The following CLIP1 variants were observed in gnomAD, a reference collection of about 807,000 sequenced individuals.
CLIP1 encodes CAP-Gly domain containing linker protein 1.
Under a neutral mutation model 161.6 loss-of-function variants are expected in CLIP1, and 66 were observed. The observed-to-expected ratio is 0.41, with a 90% CI of 0.33 to 0.50. The LOEUF (loss-of-function observed/expected upper bound fraction) is 0.50. Ranked by LOEUF, CLIP1 falls within the 20% of genes least tolerant of loss-of-function variation. The pLI is 0.27. For missense variants in CLIP1, 1,376 were observed against 1,702.0 expected (o/e 0.81, Z 3.37); for synonymous variants, 598 against 626.2 (o/e 0.96, Z 0.67).
chr12:122,374,315 CAAAAAAA>C (rs537296671), intron 3 of CLIP1, among the ~76,000 whole-genome samples: 4 of 45,938 alleles, frequency 8.7e-5, no homozygotes, highest in African/African-American at 3.2e-4. Flanking sequence ...ACTAAAAATA[CAAAAAAA>C]AAAAAAAAAA....
intron 9 of CLIP1, among the ~76,000 whole-genome samples, chr12:122,348,833 A>G (rs907160004): frequency 6.6e-6 from 1 of 152,218 alleles, no homozygotes; most frequent in Non-Finnish European, 1.5e-5. Context: ...AAAGTGACAC[A>G]AAGTGCAGAG....
intron 4 of CLIP1, 115 bp downstream of exon 4, chr12:122,363,868 A>G (rs917122620): frequency 4.2e-6 from 6 of 1,430,722 alleles, no homozygotes; most frequent in Admixed American, 2.0e-5. Context: ...TTAGGAAATA[A>G]AAGTGCCACT....
intron 20 of CLIP1, among the ~76,000 whole-genome samples, chr12:122,294,366 G>T (rs1268821370): frequency 6.7e-6 from 1 of 148,946 alleles, no homozygotes; most frequent in African/African-American, 2.5e-5. Context: ...CCCCAAACTG[G>T]AACAACCCAC....
In CLIP1 at chr12:122,272,523, T is replaced by C. The variant is rs1017802633; in HGVS notation, c.*352A>G. On this transcript the variant is annotated 3_prime_UTR_variant, in exon 26 of 26. Transcript: ENST00000620786. ...GCCTGGAAATATCTTAGTGCAAATA[T>C]GAAAAGTAACGGCATAATTTAAAGT... 2.7e-5 allele frequency: 5 copies of C among 186,420 alleles called. No homozygotes were observed. Among genetic ancestry groups the C allele is most frequent in the South Asian group, 2.6e-4 (2 of 7,600 alleles). 11.5% of individuals were successfully genotyped at this position (186,420 alleles called of 1,614,324 possible). A position where few individuals can be genotyped will look rare whatever the true frequency, so the allele number is the denominator to read the frequency against.
intron 13 of CLIP1, 127 bp downstream of exon 13, chr12:122,334,521 G>A (rs1019221128): frequency 1.2e-5 from 8 of 665,838 alleles, no homozygotes; most frequent in African/African-American, 5.5e-5. Context: ...TTCTGAGCAC[G>A]GCAGGAACTT....
chr12:122,319,997 G>A (rs1332682539), intron 17 of CLIP1, among the ~76,000 whole-genome samples: 5 of 151,982 alleles, frequency 3.3e-5, no homozygotes, highest in East Asian at 1.9e-4. Context: ...GATATAGGCC[G>A]GGCGCAGTGG....
At chr12:122,276,387 C>T (rs1364451976) in intron 24 of CLIP1, 3 of 1,273,554 alleles carry the variant, frequency 2.4e-6, no homozygotes, top group African/African-American at 1.5e-5. Flanking sequence ...GGAAACCACA[C>T]ACACACACAC....
At chr12:122,412,060 C>CTTTTTTT (rs71082989) in intron 1 of CLIP1, among the ~76,000 whole-genome samples, 3 of 81,600 alleles carry the variant, frequency 3.7e-5, no homozygotes, top group African/African-American at 4.7e-5. Context: ...CAGTTATTTT[C>CTTTTTTT]TTTTTTTTTT....
In CLIP1 at chr12:122,363,231, G is replaced by A. The variant is rs576821088; in HGVS notation, c.782+752C>T. Among the ~76,000 whole-genome samples the A allele has an allele frequency of 6.6e-5, 10 of 152,274 alleles. No individual in the cohort carries two copies. In the South Asian group the frequency reaches 2.1e-3, roughly 32 times the overall value. ...CGGGGTTATCCAGGCTGGACGCGGT[G>A]GCTCACACCTGTAATACCAGCACTT... is the stretch of plus-strand genomic sequence containing the variant. On this transcript the variant is annotated intron_variant, in intron 4 of 25. Transcript: ENST00000620786.
intron 9 of CLIP1, among the ~76,000 whole-genome samples, chr12:122,350,660 A>G (rs1952990141): frequency 6.6e-6 from 1 of 151,288 alleles, no homozygotes; most frequent in South Asian, 2.1e-4. Context: ...AGCCAGCCTC[A>G]CAATCCCCTT....
intron 8 of CLIP1, among the ~76,000 whole-genome samples, chr12:122,352,058 CT>C (rs11448068): frequency 0.052 from 7,192 of 137,356 alleles, 369 homozygotes; most frequent in African/African-American, 0.16. Context: ...TTGTTGTGGA[CT>C]TTTTTTTTTT....
chr12:122,325,246 C>T (rs1240950050), intron 17 of CLIP1, among the ~76,000 whole-genome samples: 4 of 151,824 alleles, frequency 2.6e-5, no homozygotes, highest in East Asian at 1.9e-4. Context: ...TTAGTAGAGA[C>T]GGGGTTTCAC....
intron 3 of CLIP1, among the ~76,000 whole-genome samples, chr12:122,368,356 A>C (rs1349212919): frequency 1.3e-5 from 2 of 152,212 alleles, no homozygotes; most frequent in African/African-American, 4.8e-5. Flanking sequence ...GTGGGAACAG[A>C]AACAAATACC....
intron 20 of CLIP1, among the ~76,000 whole-genome samples, chr12:122,294,329 A>C (rs1039874544): frequency 3.5e-5 from 2 of 57,418 alleles, no homozygotes; most frequent in African/African-American, 9.3e-5. Context: ...ACTCTGTCTC[A>C]AAAAAAAAAA....
rs761996380 is a variant in CLIP1 at position 122,373,587 on chromosome 12, C to A, written c.657+3802G>T. On this transcript the variant is annotated intron_variant, in intron 3 of 25. Coordinates refer to ENST00000620786, the MANE Select transcript of CLIP1 (RefSeq NM_001247997.2). ...CTGTTTGTGGAAACAAAAATAAAGG[C>A]TTTTTGGATTGCAATTTGGCAATAT... Among the ~76,000 whole-genome samples the A allele has an allele frequency of 1.3e-3, 190 of 150,762 alleles. 1 individual carries two copies. The highest frequency in any genetic ancestry group is 2.3e-3 in the Non-Finnish European group (154 of 67,840).
At chr12:122,403,179 G>A (rs1026924833) in intron 1 of CLIP1, among the ~76,000 whole-genome samples, 4 of 152,160 alleles carry the variant, frequency 2.6e-5, no homozygotes, top group African/African-American at 9.7e-5. Context: ...CCTGAATCTC[G>A]AGCCAGGAAT....
chr12:122,412,126 T>C (rs1246554371), intron 1 of CLIP1, among the ~76,000 whole-genome samples: 1 of 142,102 alleles, frequency 7.0e-6, no homozygotes, highest in Non-Finnish European at 1.5e-5. Flanking sequence ...TGGAGTGCAA[T>C]GGCACAATCA....
At chr12:122,282,770 T>C (rs1955697658) in intron 21 of CLIP1, among the ~76,000 whole-genome samples, 1 of 152,176 alleles carries the variant, frequency 6.6e-6, no homozygotes, top group Admixed American at 6.6e-5. Flanking sequence ...TACAACAATT[T>C]GGTTTACTAA....
intron 5 of CLIP1, among the ~76,000 whole-genome samples, chr12:122,356,604 C>T (rs1040022070): frequency 1.3e-5 from 2 of 150,576 alleles, no homozygotes; most frequent in African/African-American, 2.5e-5. Flanking sequence ...GGGTCCCTCT[C>T]CCTCTCTCCC....
Sources: gnomAD v4.1 joint callset for allele counts (sites outside exome capture counted in the v4.1 genomes callset) on GRCh38, gnomAD v4.1.1 for gene constraint, MANE v1.5 for transcripts, NCBI Gene and HGNC (gene_info 2026-07-23, HGNC 2026-07-21) for gene names.